The following LARGE1 variants were observed in gnomAD, a reference collection of about 807,000 sequenced individuals.
LARGE1 encodes LARGE xylosyl- and glucuronyltransferase 1.
In LARGE1, 43 loss-of-function variants were observed where a neutral mutation model predicts 87.6. That is an observed-to-expected ratio of 0.49 (90% CI 0.38 to 0.63). The LOEUF (loss-of-function observed/expected upper bound fraction) is 0.63. LARGE1 is among the 30% of genes least tolerant of loss of function. LARGE1 has a pLI of 0.00. For missense variants in LARGE1, 802 were observed against 1,000.2 expected (o/e 0.80, Z 2.67); for synonymous variants, 434 against 394.6 (o/e 1.10, Z -1.18).
At chr22:33,337,174 G>A (rs1224916233) in intron 10 of LARGE1, among the ~76,000 whole-genome samples, 2 of 152,088 alleles carry the variant, frequency 1.3e-5, no homozygotes, top group Non-Finnish European at 2.9e-5. Flanking sequence ...CTGTAGCTAT[G>A]GCGGTGACTT....
At chr22:33,318,400 G>C in intron 10 of LARGE1, among the ~76,000 whole-genome samples, 1 of 152,168 alleles carries the variant, frequency 6.6e-6, no homozygotes, top group Non-Finnish European at 1.5e-5. Context: ...TGAGAATGAT[G>C]GTTTCCAGCT....
intron 1 of LARGE1, among the ~76,000 whole-genome samples, chr22:33,853,123 C>T (rs1037140830): frequency 7.9e-5 from 12 of 151,988 alleles, no homozygotes; most frequent in African/African-American, 1.5e-4. Flanking sequence ...TCAGCACCAT[C>T]GTCTCATTTC....
At chr22:33,168,759 A>T (rs1922404965) in intron 11 of LARGE1, among the ~76,000 whole-genome samples, 1 of 152,120 alleles carries the variant, frequency 6.6e-6, no homozygotes, top group African/African-American at 2.4e-5. Flanking sequence ...TATGTTCCTG[A>T]TCTTTGATGA....
At chr22:33,795,400 G>A (rs961916301) in intron 1 of LARGE1, among the ~76,000 whole-genome samples, 8 of 152,154 alleles carry the variant, frequency 5.3e-5, no homozygotes, top group African/African-American at 1.7e-4. Flanking sequence ...ACACATTAAC[G>A]GATCTATGTA....
chr22:33,748,142 T>TTG lies in LARGE1; in HGVS notation c.106+13228_106+13229insCA, dbSNP rs1483690032. 6.6e-5 allele frequency among the ~76,000 whole-genome samples: 10 copies of TTG among 150,866 alleles called. No homozygotes were observed. The East Asian group carries it at 1.7e-3, about 26-fold the overall frequency. On this transcript the variant is annotated intron_variant, in intron 2 of 14. Transcript: ENST00000397394. ...TCCTATCAATGCAGGTTTGTTTTTT[T>TTG]TTTTTTTTTAGACAGAGTCTCAGTC...
chr22:33,665,604 G>T (rs985198081), intron 2 of LARGE1, among the ~76,000 whole-genome samples: 2 of 152,168 alleles, frequency 1.3e-5, no homozygotes, highest in African/African-American at 2.4e-5. Context: ...TAAAGAAGCA[G>T]AAACAGGGCT....
At chr22:33,476,712 C>A (rs2069095720) in intron 6 of LARGE1, among the ~76,000 whole-genome samples, 1 of 138,348 alleles carries the variant, frequency 7.2e-6, no homozygotes, top group South Asian at 2.3e-4. Context: ...GCCCCCCAGC[C>A]CAAAGAATAC....
intron 7 of LARGE1, among the ~76,000 whole-genome samples, chr22:33,423,679 C>CA (rs57917109): frequency 0.16 from 19,139 of 119,152 alleles, 1,574 homozygotes; most frequent in Non-Finnish European, 0.18. Context: ...GATTCTGTCT[C>CA]AAAAAAAAAA....
In LARGE1 at chr22:33,218,205, C is replaced by G. The variant is rs138209417; in HGVS notation, c.1731-51373G>C. 3.8e-3 allele frequency among the ~76,000 whole-genome samples: 582 copies of G among 152,324 alleles called. 3 individuals carry two copies. The highest frequency in any genetic ancestry group is 0.013 in the African/African-American group (558 of 41,568). ...TCGGCCTCCCAAAGTGCTGGGATTA[C>G]AGGCATGAGCCACCATGCTGGGCCC... On this transcript the variant is annotated intron_variant, in intron 11 of 11. Coordinates refer to the LARGE1 transcript ENST00000608642.
At chr22:33,069,757 A>C in the LARGE1 span, among the ~76,000 whole-genome samples, 1 of 152,172 alleles carries the variant, frequency 6.6e-6, no homozygotes, top group Non-Finnish European at 1.5e-5. Flanking sequence ...GATATAAAAC[A>C]AATCAAAAAA....
chr22:33,701,611 G>T (rs1424256044), intron 2 of LARGE1, among the ~76,000 whole-genome samples: 1 of 152,178 alleles, frequency 6.6e-6, no homozygotes, highest in Non-Finnish European at 1.5e-5. Context: ...CATCCTTGTT[G>T]CAGGCTGGCA....
chr22:33,724,696 C>G (rs1015155672), intron 2 of LARGE1: 1 of 152,182 alleles, frequency 6.6e-6, no homozygotes, highest in Admixed American at 6.5e-5. Flanking sequence ...ACTTCTTCTC[C>G]CTTGGCTCAT....
At chr22:33,575,264 C>T (rs1219735022) in intron 5 of LARGE1, among the ~76,000 whole-genome samples, 1 of 152,134 alleles carries the variant, frequency 6.6e-6, no homozygotes. Context: ...CATAAGATAG[C>T]CCCAAGCTTA....
intron 6 of LARGE1, among the ~76,000 whole-genome samples, chr22:33,549,591 C>G (rs2148686875): frequency 6.6e-6 from 1 of 152,264 alleles, no homozygotes; most frequent in East Asian, 1.9e-4. Flanking sequence ...ACTAGATGTT[C>G]AACTATCCAT....
chr22:33,832,927 C>T (rs1031026265), intron 1 of LARGE1, among the ~76,000 whole-genome samples: 15 of 152,220 alleles, frequency 9.9e-5, no homozygotes, highest in African/African-American at 2.4e-4. Context: ...GCAGGCACTA[C>T]GGGCCCATCT....
chr22:33,413,525 C>T (rs917465277), intron 7 of LARGE1, among the ~76,000 whole-genome samples: 2 of 151,736 alleles, frequency 1.3e-5, no homozygotes, highest in East Asian at 1.9e-4. Flanking sequence ...AGTGCAGTGG[C>T]GAGATCTTGG....
At chr22:33,552,245 A>C (rs962918667) in intron 6 of LARGE1, among the ~76,000 whole-genome samples, 6 of 152,194 alleles carry the variant, frequency 3.9e-5, no homozygotes, top group African/African-American at 1.2e-4. Flanking sequence ...TCTGGATTTA[A>C]TGCTGTTCTG....
At chr22:33,876,110 TG>T (rs1246319446) in intron 1 of LARGE1, among the ~76,000 whole-genome samples, 1 of 152,228 alleles carries the variant, frequency 6.6e-6, no homozygotes, top group Non-Finnish European at 1.5e-5. Flanking sequence ...TCTGAATCAC[TG>T]ATCTATTCTC....
At chr22:33,298,686 C>T (rs375065346) in intron 12 of LARGE1, among the ~76,000 whole-genome samples, 1 of 151,920 alleles carries the variant, frequency 6.6e-6, no homozygotes, top group Non-Finnish European at 1.5e-5. Context: ...AAAAAATTAG[C>T]TGGGCAAGGT....
Sources: gnomAD v4.1 joint callset for allele counts (sites outside exome capture counted in the v4.1 genomes callset) on GRCh38, gnomAD v4.1.1 for gene constraint, MANE v1.5 for transcripts, NCBI Gene and HGNC (gene_info 2026-07-23, HGNC 2026-07-21) for gene names.